Variants in NLGN1 observed in about 807,000 individuals in gnomAD.
NLGN1 encodes the protein neuroligin 1.
In NLGN1, 12 loss-of-function variants were observed where a neutral mutation model predicts 65.5. That is an observed-to-expected ratio of 0.18 (90% confidence interval 0.12 to 0.30). The LOEUF (loss-of-function observed/expected upper bound fraction) is 0.30, where lower values mean the gene tolerates loss of function less well. NLGN1 is among the 10% of genes least tolerant of loss of function. The pLI is 1.00. For synonymous variants in NLGN1, 350 were observed against 359.5 expected, an observed-to-expected ratio of 0.97 and a Z score of 0.30; for missense variants, 750 against 1,007.1, an observed-to-expected ratio of 0.74 and a Z score of 3.46.
At chr3:173,926,379 C>A (rs188138008) in intron 4 of NLGN1, among the ~76,000 whole-genome samples, 1 of 152,124 alleles carries the variant, frequency 6.6e-6, no homozygotes, top group East Asian at 1.9e-4. Context: ...TTTATTTCAT[C>A]ATTTTCCCTA....
chr3:173,811,457 G>T, intron 4 of NLGN1, among the ~76,000 whole-genome samples: 1 of 151,576 alleles, frequency 6.6e-6, no homozygotes, highest in Middle Eastern at 3.4e-3. Context: ...ACAGCTACTC[G>T]GGAGCCTGAG....
intron 5 of NLGN1, among the ~76,000 whole-genome samples, chr3:174,276,328 A>G (rs1284264867): frequency 6.6e-6 from 1 of 151,914 alleles, no homozygotes; most frequent in East Asian, 1.9e-4. Flanking sequence ...AGAATCACCC[A>G]TTCCAACTGC....
At chr3:173,659,845 C>T (rs537191800) in intron 3 of NLGN1, among the ~76,000 whole-genome samples, 5 of 151,826 alleles carry the variant, frequency 3.3e-5, no homozygotes, top group South Asian at 4.1e-4. Flanking sequence ...TTGGTTTTAA[C>T]GAGGAGGTGT....
chr3:174,026,607 T>C lies in NLGN1; in HGVS notation c.646+218775T>C, dbSNP rs182464971. Among the ~76,000 whole-genome samples, 390 of 152,278 alleles carry C rather than the reference T, an allele frequency of 2.6e-3. 5 individuals carry two copies. Among genetic ancestry groups the C allele is most frequent in the Middle Eastern group, 6.8e-3 (2 of 294 alleles). On this transcript the variant is annotated intron_variant, in intron 4 of 6. Transcript: ENST00000457714. ...TTTTATAAGCACAACTCAGAACATA[T>C]ATCAAGCTTAATAGAGTATGAGGTG...
intron 4 of NLGN1, among the ~76,000 whole-genome samples, chr3:173,863,165 T>G (rs1019472545): frequency 5.9e-5 from 9 of 152,132 alleles, no homozygotes; most frequent in Non-Finnish European, 1.3e-4. Flanking sequence ...CTATTTTATG[T>G]TAAAAATTAC....
At chr3:173,531,852 C>G (rs1174836505) in intron 2 of NLGN1, among the ~76,000 whole-genome samples, 3 of 152,074 alleles carry the variant, frequency 2.0e-5, no homozygotes, top group Non-Finnish European at 4.4e-5. Flanking sequence ...CCTCATGCCA[C>G]TCATCTCCTT....
At chr3:174,113,257 G>A (rs1303309854) in intron 4 of NLGN1, among the ~76,000 whole-genome samples, 4 of 151,846 alleles carry the variant, frequency 2.6e-5, no homozygotes, top group Non-Finnish European at 5.9e-5. Context: ...CATGCAAGTA[G>A]GTTAAGATAC....
chr3:173,698,699 A>G (rs1182613189), intron 3 of NLGN1, among the ~76,000 whole-genome samples: 1 of 152,212 alleles, frequency 6.6e-6, no homozygotes, highest in Non-Finnish European at 1.5e-5. Context: ...TACATACACA[A>G]GAGAAGCTTT....
intron 4 of NLGN1, among the ~76,000 whole-genome samples, chr3:173,938,794 C>G (rs528305911): frequency 6.6e-6 from 1 of 151,946 alleles, no homozygotes; most frequent in Non-Finnish European, 1.5e-5. Context: ...TATGAAGTAC[C>G]GAGAAAAGGC....
chr3:174,176,546 C>G (rs73035667), intron 4 of NLGN1, among the ~76,000 whole-genome samples: 200 of 151,984 alleles, frequency 1.3e-3, no homozygotes, highest in African/African-American at 4.7e-3. Flanking sequence ...AAAGAGAGAG[C>G]CATTTTAGCT....
chr3:173,889,673 A>C (rs1734974019), intron 4 of NLGN1, among the ~76,000 whole-genome samples: 2 of 152,148 alleles, frequency 1.3e-5, no homozygotes, highest in Admixed American at 6.6e-5. Flanking sequence ...AAGGAATAAA[A>C]GAACACAGCA....
intron 2 of NLGN1, among the ~76,000 whole-genome samples, chr3:173,564,005 A>G (rs1030833072): frequency 2.0e-5 from 3 of 152,226 alleles, no homozygotes; most frequent in African/African-American, 7.2e-5. Flanking sequence ...TACAAAGGCA[A>G]ACAAGGCCTG....
chr3:173,585,073 G>A (rs1428566473), intron 2 of NLGN1: 1 of 152,310 alleles, frequency 6.6e-6, no homozygotes, highest in African/African-American at 2.4e-5. Flanking sequence ...GGGCTGCCAG[G>A]GTTTTGTGCC....
At chr3:174,088,540 A>G (rs1271387389) in intron 4 of NLGN1, among the ~76,000 whole-genome samples, 1 of 151,956 alleles carries the variant, frequency 6.6e-6, no homozygotes, top group Non-Finnish European at 1.5e-5. Flanking sequence ...GCGGATCACG[A>G]GGTCGGGAGA....
At chr3:173,426,015 T>A (rs975306716) in intron 1 of NLGN1, among the ~76,000 whole-genome samples, 2 of 152,156 alleles carry the variant, frequency 1.3e-5, no homozygotes, top group Non-Finnish European at 2.9e-5. Context: ...TCTTCAGTAT[T>A]TTATAGTTTT....
chr3:173,465,574 A>G (rs1409715669), intron 2 of NLGN1, among the ~76,000 whole-genome samples: 1 of 152,244 alleles, frequency 6.6e-6, no homozygotes, highest in African/African-American at 2.4e-5. Context: ...GAAATGTCAG[A>G]ATGAACATCG....
chr3:173,696,072 A>G (rs1450297316), intron 3 of NLGN1, among the ~76,000 whole-genome samples: 1 of 152,198 alleles, frequency 6.6e-6, no homozygotes, highest in Non-Finnish European at 1.5e-5. Flanking sequence ...TTTGCCTCTC[A>G]AAGTGTGAAG....
chr3:173,398,865 A>G (rs1432601484), intron 1 of NLGN1, among the ~76,000 whole-genome samples: 1 of 152,204 alleles, frequency 6.6e-6, no homozygotes, highest in Admixed American at 6.5e-5. Flanking sequence ...CATGAAAATT[A>G]CAGGGTCTTA....
chr3:174,131,415 C>T (rs1013259617), intron 4 of NLGN1, among the ~76,000 whole-genome samples: 8 of 152,080 alleles, frequency 5.3e-5, no homozygotes, highest in Non-Finnish European at 1.2e-4. Context: ...ATGTTTCTCT[C>T]TTTATTGTGG....
Sources: allele counts gnomAD v4.1 joint callset (sites outside exome capture counted in the v4.1 genomes callset), GRCh38; gene constraint gnomAD v4.1.1; transcripts MANE v1.5; gene names NCBI Gene and HGNC (gene_info 2026-07-23, HGNC 2026-07-21).